Variants in TMEM38B observed in about 807,000 individuals in gnomAD.
TMEM38B encodes transmembrane protein 38B, also known as trimeric intracellular cation channel type B.
TMEM38B carries 24 observed loss-of-function variants against 28.7 expected under a neutral mutation model. The ratio of observed to expected loss-of-function variants is 0.84; its 90% confidence interval spans 0.61 to 1.18. The LOEUF (loss-of-function observed/expected upper bound fraction) is 1.18, where lower values mean the gene tolerates loss of function less well. Ranked by LOEUF, TMEM38B falls within the 50% of genes most tolerant of loss-of-function variation. The pLI is 0.00. For missense variants in TMEM38B, 380 were observed against 350.9 expected, an observed-to-expected ratio of 1.08 and a Z score of -0.66; for synonymous variants, 131 against 127.7, an observed-to-expected ratio of 1.03 and a Z score of -0.17.
At chr9:105,734,380 T>C (rs770731860) in intron 4 of TMEM38B, among the ~76,000 whole-genome samples, 1 of 152,170 alleles carries the variant, frequency 6.6e-6, no homozygotes, top group African/African-American at 2.4e-5. Context: ...TCCTGGAGAA[T>C]GTTTTATGTG....
Position 105,748,149 on chromosome 9 carries a change from A to C in TMEM38B, c.619A>C (p.Asn207His). Residue 207 changes from asparagine to histidine, a missense_variant, in exon 5 of 6, where the codon AAT (asparagine) becomes CAT (histidine). Asn to His is a moderately conservative substitution (Grantham distance 68). Transcript: ENST00000374692. ...HTQHLAISKHNLMFLYTIFIV... is the reference protein window; with the variant it reads ...HTQHLAISKHHLMFLYTIFIV... Reference sequence around the variant, plus strand: ...CCAGCATCTGGCAATATCAAAGCATAATCTTATGTTCCTTTATACCATCTT... The same window carrying C: ...CCAGCATCTGGCAATATCAAAGCATCATCTTATGTTCCTTTATACCATCTT... 1 of 1,613,540 alleles carries C rather than the reference A, an allele frequency of 6.2e-7. No homozygotes were observed. Among genetic ancestry groups the C allele is most frequent in the Non-Finnish European group, 8.5e-7 (1 of 1,179,622 alleles).
At position 105,722,489 on chromosome 9, in the gene TMEM38B, A is replaced by G. The variant is rs755391242; in HGVS notation, c.455-45A>G. 4 of 1,447,902 alleles carry G rather than the reference A, an allele frequency of 2.8e-6. No homozygotes were observed. In the African/African-American group the frequency reaches 4.2e-5, roughly 15 times the overall value. The allele number at this position is 1,447,902 out of a possible 1,614,324, so 89.7% of individuals were successfully genotyped here. On this transcript the variant is annotated intron_variant, in intron 3 of 5. Transcript: ENST00000374692. Reference sequence around the variant, plus strand: ...ATGGCTCCCTTTAAATATGTTTTACAGGAAAATTTGGCCAAATATTCTTGT... The same window carrying G: ...ATGGCTCCCTTTAAATATGTTTTACGGGAAAATTTGGCCAAATATTCTTGT...
At chr9:105,701,029 C>T (rs975800015) in intron 1 of TMEM38B, 1 of 151,994 alleles carries the variant, frequency 6.6e-6, no homozygotes, top group Non-Finnish European at 1.5e-5. Flanking sequence ...CTAAAGAGCT[C>T]CTCCACCAAG....
rs995857391 is a variant in TMEM38B, at chr9:105,715,718, T to G, written c.270-5819T>G. ...TGGAAATGATTTTTTTTCTTTTATC[T>G]CTTACTCTCTCCTGAGTGTTGAATC... On this transcript the variant is annotated intron_variant, in intron 2 of 5. Transcript: ENST00000374692. 1.2e-4 allele frequency among the ~76,000 whole-genome samples: 18 copies of G among 152,134 alleles called. 1 individual carries two copies. Among genetic ancestry groups the G allele is most frequent in the Admixed American group, 8.5e-4 (13 of 15,278 alleles).
chr9:105,697,430 G>C (rs924415547), intron 1 of TMEM38B, among the ~76,000 whole-genome samples: 1 of 152,186 alleles, frequency 6.6e-6, no homozygotes, highest in Admixed American at 6.5e-5. Flanking sequence ...GTGTTAGACT[G>C]CCCATTTCCT....
intron 5 of TMEM38B, among the ~76,000 whole-genome samples, chr9:105,771,655 C>T (rs1194627356): frequency 1.3e-5 from 2 of 151,906 alleles, no homozygotes; most frequent in Non-Finnish European, 2.9e-5. Context: ...ACTATTTATT[C>T]TAAGGAATAA....
intron 5 of TMEM38B, among the ~76,000 whole-genome samples, chr9:105,762,349 T>C (rs909464269): frequency 1.3e-5 from 2 of 151,232 alleles, no homozygotes; most frequent in African/African-American, 4.9e-5. Context: ...GCTGGTGCGC[T>C]GCACCCACTA....
At chr9:105,713,905 A>G (rs1835999449) in intron 2 of TMEM38B, among the ~76,000 whole-genome samples, 1 of 123,122 alleles carries the variant, frequency 8.1e-6, no homozygotes, top group Admixed American at 8.1e-5. Flanking sequence ...TGCAGAGAGG[A>G]CCTACCCTCT....
intron 5 of TMEM38B, among the ~76,000 whole-genome samples, chr9:105,769,346 C>T (rs749023374): frequency 6.6e-5 from 10 of 152,168 alleles, no homozygotes; most frequent in East Asian, 5.8e-4. Flanking sequence ...GACAGGGTCT[C>T]GCTCTGTCAC....
At chr9:105,764,702 T>C (rs1826300042) in intron 5 of TMEM38B, among the ~76,000 whole-genome samples, 1 of 151,148 alleles carries the variant, frequency 6.6e-6, no homozygotes, top group African/African-American at 2.4e-5. Flanking sequence ...AAGCTACCAA[T>C]GACTTTCTTC....
At chr9:105,705,051 C>T (rs1186662879) in intron 1 of TMEM38B, among the ~76,000 whole-genome samples, 1 of 152,108 alleles carries the variant, frequency 6.6e-6, no homozygotes, top group Non-Finnish European at 1.5e-5. Context: ...TATTATTTTC[C>T]TCTACAATTA....
intron 2 of TMEM38B, among the ~76,000 whole-genome samples, chr9:105,719,498 G>A (rs1373412798): frequency 1.3e-5 from 2 of 152,178 alleles, no homozygotes; most frequent in African/African-American, 4.8e-5. Context: ...AATGGTTGTT[G>A]AGTGTGCCAT....
At chr9:105,765,765 C>T (rs781578154) in intron 5 of TMEM38B, among the ~76,000 whole-genome samples, 2 of 152,030 alleles carry the variant, frequency 1.3e-5, no homozygotes, top group Non-Finnish European at 2.9e-5. Context: ...AATATGTGTA[C>T]ATATATGTCT....
intron 5 of TMEM38B, among the ~76,000 whole-genome samples, chr9:105,769,923 T>A (rs989011561): frequency 1.3e-5 from 2 of 151,962 alleles, no homozygotes; most frequent in Non-Finnish European, 1.5e-5. Flanking sequence ...AAAGGGGTGG[T>A]TGATGAGAGT....
intron 2 of TMEM38B, among the ~76,000 whole-genome samples, chr9:105,708,543 G>A (rs1835765603): frequency 1.3e-5 from 2 of 152,104 alleles, no homozygotes; most frequent in Admixed American, 1.3e-4. Context: ...ACCATGGCCT[G>A]TAAAACCCTG....
intron 1 of TMEM38B, among the ~76,000 whole-genome samples, chr9:105,704,528 C>A (rs779929300): frequency 2.0e-5 from 3 of 151,588 alleles, no homozygotes; most frequent in Non-Finnish European, 4.4e-5. Context: ...AAATATAAGC[C>A]AGTTGTTGTT....
At chr9:105,745,333 G>A (rs1837347619) in intron 4 of TMEM38B, among the ~76,000 whole-genome samples, 1 of 152,130 alleles carries the variant, frequency 6.6e-6, no homozygotes, top group African/African-American at 2.4e-5. Context: ...TTCTCTGATG[G>A]CCAGTGATGA....
intron 4 of TMEM38B, among the ~76,000 whole-genome samples, chr9:105,724,244 T>C (rs1836428682): frequency 2.0e-5 from 3 of 152,174 alleles, no homozygotes; most frequent in Admixed American, 2.0e-4. Flanking sequence ...ACTTAGAGAA[T>C]GGTGGCTGTA....
At chr9:105,757,590 A>C (rs1019301528) in intron 5 of TMEM38B, among the ~76,000 whole-genome samples, 1 of 152,206 alleles carries the variant, frequency 6.6e-6, no homozygotes, top group African/African-American at 2.4e-5. Context: ...TTAAAAATAA[A>C]AATTATTTGA....
Sources: allele counts gnomAD v4.1 joint callset (sites outside exome capture counted in the v4.1 genomes callset), GRCh38; gene constraint gnomAD v4.1.1; transcripts MANE v1.5; gene names NCBI Gene and HGNC (gene_info 2026-07-23, HGNC 2026-07-21).